Variants in RALGAPA1 observed in about 807,000 individuals in gnomAD.
The protein encoded by RALGAPA1 is Ral GTPase activating protein catalytic subunit alpha 1, also known as ral GTPase-activating protein subunit alpha-1.
RALGAPA1 carries 52 observed loss-of-function variants against 269.6 expected under a neutral mutation model. The observed-to-expected ratio is 0.19, with a 90% CI of 0.15 to 0.24. RALGAPA1 has a LOEUF of 0.24. RALGAPA1 is among the 10% of genes least tolerant of loss of function. RALGAPA1 has a pLI of 1.00. For synonymous variants in RALGAPA1, 817 were observed against 1,008.3 expected, an observed-to-expected ratio of 0.81 and a Z score of 3.60; for missense variants, 1,917 against 3,013.9, an observed-to-expected ratio of 0.64 and a Z score of 8.52.
chr14:35,777,743 A>G (rs1595522758), intron 1 of RALGAPA1, among the ~76,000 whole-genome samples: 1 of 152,136 alleles, frequency 6.6e-6, no homozygotes, highest in South Asian at 2.1e-4. Context: ...TTATATTTTC[A>G]GTAGAGATGG....
intron 26 of RALGAPA1, 121 bp from the exon 27 acceptor site, chr14:35,664,888 G>A: frequency 6.2e-6 from 5 of 801,230 alleles, no homozygotes; most frequent in East Asian, 2.8e-5. Flanking sequence ...AATTTAAAAA[G>A]GAAAGGGAAA....
chr14:35,808,680 G>A, intron 1 of RALGAPA1, 50 bp downstream of exon 1: 2 of 1,567,372 alleles, frequency 1.3e-6, no homozygotes, highest in Non-Finnish European at 1.7e-6. Flanking sequence ...TCCCAGGAGA[G>A]GGAAGGCCGG....
chr14:35,625,027 A>G (rs2060901644), intron 35 of RALGAPA1, among the ~76,000 whole-genome samples: 1 of 151,698 alleles, frequency 6.6e-6, no homozygotes, highest in South Asian at 2.1e-4. Context: ...CATCTCTACT[A>G]AAAAATACAA....
chr14:35,665,321 C>A (rs2063842182), intron 26 of RALGAPA1, among the ~76,000 whole-genome samples: 1 of 152,102 alleles, frequency 6.6e-6, no homozygotes, highest in African/African-American at 2.4e-5. Context: ...ATCTTTTTTC[C>A]TTAGCTGTAT....
Position 35,615,765 on chromosome 14 carries a change from T to C in RALGAPA1, c.6929+9596A>G, listed in dbSNP as rs148988781. Reference sequence around the variant, plus strand: ...GGTATGTATGAGAACGGAGGCAGTTTAGCAGGAGCCAAGAAATAAAAAAGC... The same window carrying C: ...GGTATGTATGAGAACGGAGGCAGTTCAGCAGGAGCCAAGAAATAAAAAAGC... On this transcript the variant is annotated intron_variant, in intron 35 of 41. Transcript: ENST00000680220. 7.5e-3 allele frequency among the ~76,000 whole-genome samples: 1,143 copies of C among 152,240 alleles called. 17 individuals are homozygous for C. Among genetic ancestry groups the C allele is most frequent in the African/African-American group, 0.026 (1,085 of 41,554 alleles).
intron 38 of RALGAPA1, among the ~76,000 whole-genome samples, chr14:35,571,003 C>T (rs1274943534): frequency 2.0e-5 from 3 of 152,130 alleles, no homozygotes; most frequent in Non-Finnish European, 2.9e-5. Context: ...CACACTTAGC[C>T]AATTTCCAAA....
intron 34 of RALGAPA1, among the ~76,000 whole-genome samples, 158 bp downstream of exon 34, chr14:35,626,932 C>G (rs1264469474): frequency 6.7e-6 from 1 of 149,662 alleles, no homozygotes; most frequent in African/African-American, 2.5e-5. Context: ...CCCAATATAA[C>G]TCAGTGGTCT....
At chr14:35,571,657 G>C (rs2057207961) in intron 38 of RALGAPA1, among the ~76,000 whole-genome samples, 1 of 152,094 alleles carries the variant, frequency 6.6e-6, no homozygotes, top group Admixed American at 6.5e-5. Flanking sequence ...CTGGGTGACA[G>C]AGCGAGAGCC....
At chr14:35,752,194 C>A in intron 7 of RALGAPA1, 32 bp from the exon 8 acceptor site, 1 of 1,467,556 alleles carries the variant, frequency 6.8e-7, no homozygotes, top group South Asian at 1.4e-5. Context: ...AGAATCATTC[C>A]AGAAGAAAGA....
At chr14:35,698,890 A>C (rs1474627136) in intron 17 of RALGAPA1, among the ~76,000 whole-genome samples, 1 of 152,202 alleles carries the variant, frequency 6.6e-6, no homozygotes, top group East Asian at 1.9e-4. Context: ...CTAATTCTTT[A>C]TTTGTAGCTA....
intron 39 of RALGAPA1, among the ~76,000 whole-genome samples, chr14:35,559,482 T>C (rs765442062): frequency 5.7e-4 from 86 of 152,058 alleles, no homozygotes; most frequent in Non-Finnish European, 1.1e-3. Context: ...TGCAACATCA[T>C]AGGGTTTTAA....
intron 3 of RALGAPA1, 134 bp from the exon 4 acceptor site, chr14:35,771,133 C>A: frequency 5.4e-6 from 2 of 367,136 alleles, no homozygotes. Context: ...GTGGCTCACA[C>A]CTGTAATCCT....
At chr14:35,654,886 CTT>C (rs2063073516) in intron 29 of RALGAPA1, among the ~76,000 whole-genome samples, 1 of 152,144 alleles carries the variant, frequency 6.6e-6, no homozygotes, top group African/African-American at 2.4e-5. Context: ...TAAAGACAAA[CTT>C]TTCATGCTTC....
At chr14:35,674,483 C>T (rs766509540) in intron 23 of RALGAPA1, 33 bp downstream of exon 23, 5 of 1,541,272 alleles carry the variant, frequency 3.2e-6, no homozygotes, top group Non-Finnish European at 4.4e-6. Context: ...TTTTTATTTT[C>T]TTCTCCACTT....
At chr14:35,724,662 G>C (rs1437829535) in intron 14 of RALGAPA1, among the ~76,000 whole-genome samples, 1 of 151,996 alleles carries the variant, frequency 6.6e-6, no homozygotes, top group Non-Finnish European at 1.5e-5. Flanking sequence ...CCAGAGATAC[G>C]GAAACTCATA....
intron 26 of RALGAPA1, among the ~76,000 whole-genome samples, chr14:35,665,873 T>C (rs1419174510): frequency 2.0e-5 from 3 of 152,200 alleles, no homozygotes; most frequent in African/African-American, 4.8e-5. Context: ...AATGTGATCA[T>C]AATTAAGAAA....
chr14:35,741,332 T>C (rs73252323), intron 11 of RALGAPA1, among the ~76,000 whole-genome samples: 2,778 of 152,272 alleles, frequency 0.018, 84 homozygotes, highest in African/African-American at 0.063. Flanking sequence ...TGTGTAAGAA[T>C]TAGGACTGTA....
chr14:35,579,130 A>G (rs1276946104), intron 37 of RALGAPA1, among the ~76,000 whole-genome samples: 2 of 152,216 alleles, frequency 1.3e-5, no homozygotes, highest in Non-Finnish European at 2.9e-5. Context: ...AGGAAGCCTG[A>G]TAATGTGGAG....
chr14:35,659,957 T>C (rs888067704), intron 27 of RALGAPA1, among the ~76,000 whole-genome samples: 2 of 151,974 alleles, frequency 1.3e-5, no homozygotes, highest in Non-Finnish European at 2.9e-5. Flanking sequence ...AATATAAAAT[T>C]TTTTTGCATG....
Sources: gnomAD v4.1 joint callset for allele counts (sites outside exome capture counted in the v4.1 genomes callset) on GRCh38, gnomAD v4.1.1 for gene constraint, MANE v1.5 for transcripts, NCBI Gene and HGNC (gene_info 2026-07-23, HGNC 2026-07-21) for gene names.